The following PCDH11X variants were observed in gnomAD, a reference collection of about 807,000 sequenced individuals.
The protein encoded by PCDH11X is protocadherin-11 X-linked.
Under a neutral mutation model 53.3 loss-of-function variants are expected in PCDH11X, and 18 were observed. The ratio of observed to expected loss-of-function variants is 0.34; its 90% CI spans 0.23 to 0.50. The LOEUF (loss-of-function observed/expected upper bound fraction) is 0.50. PCDH11X is among the 20% of genes least tolerant of loss of function. PCDH11X has a pLI of 0.98. For synonymous variants in PCDH11X, 279 were observed against 393.3 expected (o/e 0.71, Z 3.44); for missense variants, 570 against 1,032.4 (o/e 0.55, Z 6.14).
At chrX:91,843,372 C>T (rs1052167692) in intron 5 of PCDH11X, among the ~76,000 whole-genome samples, 2 of 104,323 alleles carry the variant, frequency 1.9e-5, no homozygotes, top group Non-Finnish European at 3.9e-5. Flanking sequence ...TGCAGTGGCA[C>T]GATCTCGGCT....
chrX:91,967,956 T>C (rs1019139828), intron 6 of PCDH11X, among the ~76,000 whole-genome samples: 1 of 111,351 alleles, frequency 9.0e-6, no homozygotes, highest in African/African-American at 3.3e-5. Context: ...CTCAGAGATT[T>C]AGCCTTTTCA....
chrX:92,502,652 CTGGCTAACCATA>C (rs2073980825), intron 10 of PCDH11X, among the ~76,000 whole-genome samples: 1 of 110,256 alleles, frequency 9.1e-6, no homozygotes, highest in Non-Finnish European at 1.9e-5. Flanking sequence ...GCTGGGAGAA[CTGGCTAACCATA>C]TGCACAAAAT....
At chrX:92,156,685 G>A (rs751673348) in intron 6 of PCDH11X, among the ~76,000 whole-genome samples, 19 of 111,935 alleles carry the variant, frequency 1.7e-4, no homozygotes, top group Non-Finnish European at 3.0e-4. Context: ...CTTATACCCC[G>A]TTCTTACAAT....
intron 4 of PCDH11X, among the ~76,000 whole-genome samples, chrX:91,813,918 G>A (rs1302530752): frequency 9.5e-6 from 1 of 105,241 alleles, no homozygotes; most frequent in Non-Finnish European, 2.0e-5. Context: ...AATTATGAAG[G>A]TGCAATGTTG....
At chrX:92,157,215 G>A (rs1264454124) in intron 6 of PCDH11X, among the ~76,000 whole-genome samples, 7 of 111,389 alleles carry the variant, frequency 6.3e-5, no homozygotes, top group South Asian at 3.7e-4. Context: ...TTTTATGAAC[G>A]TCTGAATTAA....
chrX:92,604,594 G>A (rs766604202), intron 10 of PCDH11X, among the ~76,000 whole-genome samples: 137 of 111,335 alleles, frequency 1.2e-3, no homozygotes, highest in African/African-American at 3.8e-3. Context: ...GAAAAATGGC[G>A]GATATCAGTT....
At chrX:92,501,839 A>G (rs1372748503) in intron 10 of PCDH11X, among the ~76,000 whole-genome samples, 1 of 111,215 alleles carries the variant, frequency 9.0e-6, no homozygotes, top group African/African-American at 3.3e-5. Context: ...CACCACTTCT[A>G]TTCAACATAG....
intron 9 of PCDH11X, among the ~76,000 whole-genome samples, chrX:92,427,885 G>T (rs200055015): frequency 8.3e-4 from 24 of 28,800 alleles, no homozygotes; most frequent in East Asian, 4.9e-3. Context: ...ATTATATTAT[G>T]TATGGCATAT....
chrX:92,355,417 C>CAA (rs57339128), intron 8 of PCDH11X, among the ~76,000 whole-genome samples: 285 of 23,569 alleles, frequency 0.012, 25 homozygotes, highest in Non-Finnish European at 0.013. Flanking sequence ...GACTCCGTCT[C>CAA]AAAAAAAAAA....
intron 10 of PCDH11X, among the ~76,000 whole-genome samples, chrX:92,541,360 C>T (rs759535480): frequency 2.4e-4 from 27 of 110,401 alleles, no homozygotes; most frequent in Non-Finnish European, 4.5e-4. Flanking sequence ...GTCCCTAGGT[C>T]ACTGTGCTCT....
intron 5 of PCDH11X, among the ~76,000 whole-genome samples, chrX:91,870,108 T>TA (rs983887693): frequency 8.1e-5 from 9 of 111,178 alleles, no homozygotes; most frequent in African/African-American, 2.0e-4. Flanking sequence ...AAGAATAGAC[T>TA]AAAAAAAATG....
chrX:92,513,083 C>T lies in PCDH11X; in HGVS notation c.3367+44761C>T, dbSNP rs1337947122. On this transcript the variant is annotated intron_variant, in intron 10 of 10. Transcript: ENST00000682573. ...CATTTAGGGTGGTGCTTATTCAGTA[C>T]AAGTTAGTTCTTTTATAGTTATAAA... Among the ~76,000 whole-genome samples the T allele has an allele frequency of 5.4e-5, 6 of 110,221 alleles. No individual in the cohort carries two copies. In the Admixed American group the frequency reaches 5.9e-4, roughly 11 times the overall value.
At chrX:92,301,734 C>CTTTTTTTTTTTTTTTTTTTTTTTT (rs1569459116) in intron 8 of PCDH11X, among the ~76,000 whole-genome samples, 1 of 109,725 alleles carries the variant, frequency 9.1e-6, no homozygotes, top group African/African-American at 3.4e-5. Flanking sequence ...GCTTCCTTTT[C>CTTTTTTTTTTTTTTTTTTTTTTTT]TTGTGTTGTC....
At chrX:91,807,477 G>A (rs1936158660) in intron 1 of PCDH11X, among the ~76,000 whole-genome samples, 1 of 110,800 alleles carries the variant, frequency 9.0e-6, no homozygotes, top group Non-Finnish European at 1.9e-5. Context: ...TGTCTGTGAG[G>A]GGGAGAGAGA....
intron 6 of PCDH11X, among the ~76,000 whole-genome samples, chrX:92,160,253 C>T (rs1190077248): frequency 9.2e-6 from 1 of 108,670 alleles, no homozygotes; most frequent in East Asian, 2.9e-4. Flanking sequence ...TTTTTGTGCA[C>T]GAATCTCCCA....
At chrX:92,132,532 C>T (rs1416242103) in intron 6 of PCDH11X, among the ~76,000 whole-genome samples, 4 of 102,125 alleles carry the variant, frequency 3.9e-5, no homozygotes, top group African/African-American at 1.4e-4. Flanking sequence ...CGCTTGAACC[C>T]GGGAGGCAGA....
chrX:91,848,811 A>G (rs965819172), intron 5 of PCDH11X, among the ~76,000 whole-genome samples: 4 of 110,884 alleles, frequency 3.6e-5, no homozygotes, highest in African/African-American at 1.3e-4. Context: ...AAAGATAAGT[A>G]TAAGTTTGGT....
chrX:92,515,792 G>A (rs992920533), intron 10 of PCDH11X, among the ~76,000 whole-genome samples: 2 of 110,124 alleles, frequency 1.8e-5, no homozygotes, highest in African/African-American at 6.6e-5. Context: ...CTGTACAATA[G>A]CAATAATAAT....
chrX:92,000,138 A>G (rs918002396), intron 6 of PCDH11X, among the ~76,000 whole-genome samples: 2 of 111,392 alleles, frequency 1.8e-5, no homozygotes. Context: ...CCCTGAAGTT[A>G]TACTCCTTAA....
Sources: gnomAD v4.1 joint callset for allele counts (sites outside exome capture counted in the v4.1 genomes callset) on GRCh38, gnomAD v4.1.1 for gene constraint, MANE v1.5 for transcripts, NCBI Gene and HGNC (gene_info 2026-07-23, HGNC 2026-07-21) for gene names.